The following KCNG4 variants were observed in gnomAD, a reference collection of about 807,000 sequenced individuals.
KCNG4 encodes the protein potassium voltage-gated channel modifier subfamily G member 4, also known as voltage-gated potassium channel regulatory subunit KCNG4.
A neutral mutation model predicts 28.2 loss-of-function variants in KCNG4; 30 were observed. The ratio of observed to expected loss-of-function variants is 1.06; its 90% confidence interval spans 0.80 to 1.44. The LOEUF (loss-of-function observed/expected upper bound fraction) is 1.44. Among genes scored for constraint, KCNG4 ranks in the 40% most tolerant of loss-of-function variants. KCNG4 has a pLI of 0.00. For synonymous variants in KCNG4, 375 were observed against 315.5 expected (o/e 1.19, Z -2.00); for missense variants, 879 against 712.3 (o/e 1.23, Z -2.66).
chr16:84,227,171 A>T (rs560552336), intron 2 of KCNG4, among the ~76,000 whole-genome samples: 11 of 152,218 alleles, frequency 7.2e-5, no homozygotes, highest in Admixed American at 5.9e-4. Context: ...GGGCAGCGGC[A>T]GTGGAAACAG....
chr16:84,230,536 C>T (rs1489075136), intron 2 of KCNG4, among the ~76,000 whole-genome samples: 1 of 152,178 alleles, frequency 6.6e-6, no homozygotes, highest in East Asian at 1.9e-4. Flanking sequence ...CGCACCACTG[C>T]ACTCCAGCCT....
chr16:84,231,542 G>A (rs1904828515), intron 2 of KCNG4, among the ~76,000 whole-genome samples: 3 of 152,134 alleles, frequency 2.0e-5, no homozygotes, highest in Admixed American at 2.0e-4. Flanking sequence ...GAAGAACCTG[G>A]GAAACTGCAG....
intron 2 of KCNG4, among the ~76,000 whole-genome samples, chr16:84,229,952 T>A (rs1333839049): frequency 6.6e-6 from 1 of 152,104 alleles, no homozygotes; most frequent in Non-Finnish European, 1.5e-5. Context: ...GGAAGCTGAT[T>A]CATGGTCCGA....
rs138200395 is a variant in KCNG4 at position 84,222,315 on chromosome 16, C to T, written c.1462G>A (p.Glu488Lys). The change falls in exon 3 of 3, where the codon GAA becomes AAA. Residue 488 changes from glutamate to lysine, a missense_variant. Coordinates refer to ENST00000308251, the MANE Select transcript of KCNG4 (RefSeq NM_172347.3). ...CTGGCCACATGGGGGTCCAGGAGTT[C>T]ACATTCACTGGCTGGACCGGTGTTT... Reference protein sequence around the residue: ...LQNTGPASECELLDPHVASEH... With the variant: ...LQNTGPASECKLLDPHVASEH... The T allele has an allele frequency of 8.1e-6, 13 of 1,614,040 alleles. No homozygotes were observed. The African/African-American group carries it at 1.5e-4, about 18-fold the overall frequency.
rs60559486 is a variant in KCNG4 at position 84,221,508 on chromosome 16, T to TCC, written c.*708_*709insGG. Reference sequence around the variant, plus strand: ...CAGGTCCCAGGTCCCAGGTCCCAGGTCACAGATCCCAGGCATGCCTGGGGA... The same window carrying TCC: ...CAGGTCCCAGGTCCCAGGTCCCAGGTCCCACAGATCCCAGGCATGCCTGGGGA... On this transcript the variant is annotated 3_prime_UTR_variant, in exon 3 of 3. Transcript: ENST00000308251. 0.34 allele frequency: 50,648 copies of TCC among 150,942 alleles called. 8,857 individuals are homozygous for TCC. The highest frequency in any genetic ancestry group is 0.51 in the East Asian group (2,621 of 5,128). The allele number at this position is 150,942 out of a possible 1,614,324, so 9.4% of individuals were successfully genotyped here. A position where few individuals can be genotyped will look rare whatever the true frequency, so the allele number is the denominator to read the frequency against.
At chr16:84,235,581 C>T (rs1409150582) in intron 2 of KCNG4, 1 of 152,164 alleles carries the variant, frequency 6.6e-6, no homozygotes, top group Non-Finnish European at 1.5e-5. Context: ...CCCATATTTA[C>T]TGGGATCCTA....
chr16:84,222,651 G>C lies in KCNG4; in HGVS notation c.1126C>G (p.Leu376Val). 1 of 1,613,348 alleles carries C rather than the reference G, an allele frequency of 6.2e-7. No homozygotes were observed. The highest frequency in any genetic ancestry group is 8.5e-7 in the Non-Finnish European group (1 of 1,179,974). Reference protein sequence around the residue: ...RCTREFGLLLLFLAVAITLFS... With the variant: ...RCTREFGLLLVFLAVAITLFS... ...AGGGTGATGGCCACGGCCAGGAAGAGAAGGAGCAGGCCGAACTCACGTGTG... is the reference window on the plus strand; with the variant it reads ...AGGGTGATGGCCACGGCCAGGAAGACAAGGAGCAGGCCGAACTCACGTGTG... Residue 376 changes from leucine to valine, a missense_variant, in exon 3 of 3, where the codon CTC becomes GTC. Physicochemically the swap from Leu to Val is conservative, Grantham distance 32. Coordinates refer to ENST00000308251, the MANE Select transcript of KCNG4 (RefSeq NM_172347.3).
chr16:84,236,373 G>A (rs533079224), intron 2 of KCNG4: 37 of 393,452 alleles, frequency 9.4e-5, no homozygotes, highest in Admixed American at 4.6e-4. Context: ...CGGAGTGGGA[G>A]ACAGGCTCAG....
rs115873272 is a variant in KCNG4, at chr16:84,227,108, G to A, written c.757-4088C>T. On this transcript the variant is annotated intron_variant, in intron 2 of 2. Transcript: ENST00000308251. ...TAAAGACAGACAATAGCCAAGTGTC[G>A]GTGAGATTGTGGAGAAACTGGAACC... Among the ~76,000 whole-genome samples the A allele has an allele frequency of 4.3e-3, 652 of 152,244 alleles. 9 individuals carry two copies. Among genetic ancestry groups the A allele is most frequent in the African/African-American group, 0.015 (627 of 41,534 alleles).
At chr16:84,238,092 T>C (rs974248014) in intron 1 of KCNG4, among the ~76,000 whole-genome samples, 3 of 152,194 alleles carry the variant, frequency 2.0e-5, no homozygotes, top group African/African-American at 7.2e-5. Flanking sequence ...TCGTAGGGCA[T>C]GGCAAGGGTT....
In KCNG4 at chr16:84,222,172, A is replaced by G. The variant is rs1414069194; in HGVS notation, c.*45T>C. On this transcript the variant is annotated 3_prime_UTR_variant, in exon 3 of 3. Coordinates refer to ENST00000308251, the MANE Select transcript of KCNG4 (RefSeq NM_172347.3). ...GGGTACCCTTGAGTGTGTTTCAGGC[A>G]GGGTGATGGGTTGAGGTTACCATGT... 1 of 1,589,282 alleles carries G rather than the reference A, an allele frequency of 6.3e-7. No individual in the cohort carries two copies.
intron 2 of KCNG4, among the ~76,000 whole-genome samples, chr16:84,229,686 A>G (rs1161672481): frequency 6.6e-6 from 1 of 152,134 alleles, no homozygotes; most frequent in Non-Finnish European, 1.5e-5. Context: ...TGCATGGGGC[A>G]TTTGCGGGGG....
Position 84,236,772 on chromosome 16 carries a change from C to G in KCNG4, c.714G>C (p.Leu238=), listed in dbSNP as rs745618227. ...TGAGGTCGGGCATGGTGCTGACACA[C>G]AGGCTGACGGCTGTGGTGGCCACGA... is the stretch of plus-strand genomic sequence containing the variant. The part of the protein sequence containing the change: ...ILFVATTAVS[L]CVSTMPDLRA... Residue 238 remains leucine (L), a synonymous_variant, in exon 2 of 3, where the codon CTG becomes CTC. Coordinates refer to ENST00000308251, the MANE Select transcript of KCNG4 (RefSeq NM_172347.3). The G allele has an allele frequency of 1.2e-6, 2 of 1,613,746 alleles. No homozygotes were observed. Among genetic ancestry groups the G allele is most frequent in the Non-Finnish European group, 8.5e-7 (1 of 1,180,012 alleles).
chr16:84,221,492 G>A lies in KCNG4; in HGVS notation c.*725C>T, dbSNP rs540266395. 1 of 152,022 alleles carries A rather than the reference G, an allele frequency of 6.6e-6. No individual in the cohort carries two copies. Among genetic ancestry groups the A allele is most frequent in the Non-Finnish European group, 1.5e-5 (1 of 68,076 alleles). 9.4% of individuals were successfully genotyped at this position (152,022 alleles called of 1,614,324 possible). ...AAGTGGAGTTTCTGCCCAGGTCCCA[G>A]GTCCCAGGTCCCAGGTCACAGATCC... On this transcript the variant is annotated 3_prime_UTR_variant, in exon 3 of 3. Coordinates refer to ENST00000308251, the MANE Select transcript of KCNG4 (RefSeq NM_172347.3).
In KCNG4 at chr16:84,237,443, G is replaced by C; in HGVS notation, c.43C>G (p.His15Asp). 1 of 1,508,440 alleles carries C rather than the reference G, an allele frequency of 6.6e-7. No individual in the cohort carries two copies. 93.4% of individuals were successfully genotyped at this position (1,508,440 alleles called of 1,614,324 possible). ...CAAGGGCTGTGGGAACCATAGTGGT[G>C]GTGTCTGGGATGCAGGCCCCCGTCT... ...SRDGGLHPRH[H>D]HYGSHSPWSQ... The change falls in exon 2 of 3, where the codon CAC becomes GAC. Residue 15 changes from histidine (H) to aspartate (D), a missense_variant. By Grantham distance (81) the His-to-Asp change is moderately conservative. Coordinates refer to ENST00000308251, the MANE Select transcript of KCNG4 (RefSeq NM_172347.3).
At position 84,237,440 on chromosome 16, in the gene KCNG4, G is replaced by A. The variant is rs757528415; in HGVS notation, c.46C>T (p.His16Tyr). ...RDGGLHPRHH[H>Y]YGSHSPWSQL... is the part of the protein sequence containing the mutation. ...CTCCAAGGGCTGTGGGAACCATAGT[G>A]GTGGTGTCTGGGATGCAGGCCCCCG... Residue 16 changes from histidine (H) to tyrosine (Y), a missense_variant, in exon 2 of 3, where the codon CAC becomes TAC. By Grantham distance (83) the His-to-Tyr change is moderately conservative (BLOSUM62 2). Transcript: ENST00000308251. The A allele has an allele frequency of 6.6e-7, 1 of 1,509,872 alleles. No individual in the cohort carries two copies. Among genetic ancestry groups the A allele is most frequent in the Non-Finnish European group, 8.8e-7 (1 of 1,130,158 alleles). 93.5% of individuals were successfully genotyped at this position (1,509,872 alleles called of 1,614,324 possible). A position where few individuals can be genotyped will look rare whatever the true frequency, so the allele number is the denominator to read the frequency against.
chr16:84,231,062 C>A (rs1015479478), intron 2 of KCNG4, among the ~76,000 whole-genome samples: 2 of 152,186 alleles, frequency 1.3e-5, no homozygotes, highest in African/African-American at 4.8e-5. Flanking sequence ...GGGATGGAGG[C>A]TGGTGAGCAG....
chr16:84,224,835 A>G (rs1330180452), intron 2 of KCNG4, among the ~76,000 whole-genome samples: 1 of 152,168 alleles, frequency 6.6e-6, no homozygotes, highest in Non-Finnish European at 1.5e-5. Context: ...TTTTAGCAAG[A>G]TTGGAGAATC....
chr16:84,223,815 G>A (rs1479185079), intron 2 of KCNG4, among the ~76,000 whole-genome samples: 2 of 152,180 alleles, frequency 1.3e-5, no homozygotes, highest in South Asian at 2.1e-4. Context: ...TGCCAGGCAT[G>A]GTTCTAACCC....
Sources: allele counts gnomAD v4.1 joint callset (sites outside exome capture counted in the v4.1 genomes callset), GRCh38; gene constraint gnomAD v4.1.1; transcripts MANE v1.5; gene names NCBI Gene and HGNC (gene_info 2026-07-23, HGNC 2026-07-21).